DICER1: variants seen among roughly 807,000 people sequenced by gnomAD.
The protein encoded by DICER1 is dicer 1, ribonuclease III, also known as endoribonuclease Dicer.
Under a neutral mutation model 194.1 loss-of-function variants are expected in DICER1, and 43 were observed. The observed-to-expected ratio is 0.22, with a 90% CI of 0.17 to 0.29. The LOEUF (loss-of-function observed/expected upper bound fraction) is 0.29, where lower values mean the gene tolerates loss of function less well. DICER1 is among the 10% of genes least tolerant of loss of function. The probability of loss-of-function intolerance (pLI) is 1.00; values close to 1 mark genes in which losing one functional copy is unlikely to be tolerated. For missense variants in DICER1, 1,608 were observed against 2,317.0 expected (o/e 0.69, Z 6.28); for synonymous variants, 832 against 820.5 (o/e 1.01, Z -0.24).
In DICER1 at chr14:95,107,997, A is replaced by G. The variant is rs1182299033; in HGVS notation, c.2533T>C (p.Leu845=). The change falls in exon 16 of 27, where the codon TTG becomes CTG. Residue 845 remains leucine, a synonymous_variant. Transcript: ENST00000343455. ...ATATACTGGTGAAGTCTTGTAATCA[A>G]CTCAAGCATTTGTAGAGACAACATG... ...GFMLSLQMLE[L]ITRLHQYIFS... is the part of the protein sequence containing the mutation. The G allele has an allele frequency of 3.1e-6, 5 of 1,613,508 alleles. No homozygotes were observed. The highest frequency in any genetic ancestry group is 3.3e-4 in the Middle Eastern group (2 of 6,060).
rs1198772747 is a variant in DICER1 at position 95,096,749 on chromosome 14, T to C, written c.4207-36A>G. ...GGGGAATGGGGAAGGAGGGGAAACA[T>C]AGCTGCTGTTTTTAAAAGGGTTTGA... On this transcript the variant is annotated intron_variant, in intron 22 of 26. Transcript: ENST00000343455. 1 of 1,560,816 alleles carries C rather than the reference T, an allele frequency of 6.4e-7. No homozygotes were observed. The highest frequency in any genetic ancestry group is 8.7e-7 in the Non-Finnish European group (1 of 1,153,054).
intron 12 of DICER1, 119 bp downstream of exon 12, chr14:95,112,973 C>T: frequency 9.2e-7 from 1 of 1,085,678 alleles, no homozygotes; most frequent in Non-Finnish European, 1.4e-6. Context: ...AAGGCTCCTG[C>T]TCATGAAAGT....
chr14:95,113,965 T>C (rs1345250206), intron 11 of DICER1, among the ~76,000 whole-genome samples: 1 of 152,184 alleles, frequency 6.6e-6, no homozygotes, highest in Non-Finnish European at 1.5e-5. Flanking sequence ...TTCTGATTAT[T>C]AGAGAAAGGA....
Position 95,124,327 on chromosome 14 carries a change from A to G in DICER1, c.1245T>C (p.Ser415=). 3.7e-6 allele frequency: 6 copies of G among 1,613,970 alleles called. No individual in the cohort carries two copies. The highest frequency in any genetic ancestry group is 5.1e-6 in the Non-Finnish European group (6 of 1,179,890). ...NQDNYVSWSD[S]EDDDEDEEIE... ...TTTCTTCATCCTCATCATCATCCTC[A>G]GAATCACTCCATGACACATAATTAT... Residue 415 remains serine, a synonymous_variant, in exon 8 of 27, where the codon TCT becomes TCC. Coordinates refer to ENST00000343455, the MANE Select transcript of DICER1 (RefSeq NM_177438.3). This position sits in a 1 kb window ranked among gnomAD's most constrained non-coding sequence, Gnocchi z 4.5.
chr14:95,098,035 T>C (rs1890521475), intron 22 of DICER1, among the ~76,000 whole-genome samples: 1 of 152,064 alleles, frequency 6.6e-6, no homozygotes, highest in Admixed American at 6.5e-5. Context: ...TTTTTTTTTA[T>C]TGAAAAAAAC....
chr14:95,125,082 A>T (rs1893290665), intron 7 of DICER1, among the ~76,000 whole-genome samples: 2 of 152,178 alleles, frequency 1.3e-5, no homozygotes, highest in African/African-American at 2.4e-5. Flanking sequence ...ATTCTCCAGC[A>T]TTATATGTTT....
chr14:95,109,089 G>A (rs1891720970), intron 14 of DICER1, among the ~76,000 whole-genome samples: 1 of 152,172 alleles, frequency 6.6e-6, no homozygotes, highest in African/African-American at 2.4e-5. Context: ...CTGTGTTTGT[G>A]AGATAGCCTG....
At chr14:95,138,973 AAAT>A (rs1297436457) in intron 1 of DICER1, among the ~76,000 whole-genome samples, 2 of 47,482 alleles carry the variant, frequency 4.2e-5, no homozygotes, top group South Asian at 8.0e-4. Flanking sequence ...ATAATAAAAA[AAAT>A]AAAAATAAAT....
At chr14:95,139,690 C>A (rs1894703250) in intron 1 of DICER1, among the ~76,000 whole-genome samples, 1 of 152,166 alleles carries the variant, frequency 6.6e-6, no homozygotes, top group Non-Finnish European at 1.5e-5. Context: ...ATATACAGAA[C>A]AGAATCATGG....
rs2139999400 is a variant in DICER1, at chr14:95,106,111, T to C, written c.2917A>G (p.Lys973Glu). 1 of 1,614,220 alleles carries C rather than the reference T, an allele frequency of 6.2e-7. No homozygotes were observed. The highest frequency in any genetic ancestry group is 8.5e-7 in the Non-Finnish European group (1 of 1,180,028). ...GTTAGGTCAAGGTTGTACTTTGTTTTATAATATTCTGCAAAAGTTTCATAC... is the reference window on the plus strand; with the variant it reads ...GTTAGGTCAAGGTTGTACTTTGTTTCATAATATTCTGCAAAAGTTTCATAC... ...PEYETFAEYY[K>E]TKYNLDLTNL... Residue 973 changes from lysine to glutamate, a missense_variant, in exon 18 of 27, where the codon AAA becomes GAA. Physicochemically the swap from Lys to Glu is moderately conservative, Grantham distance 56. Coordinates refer to ENST00000343455, the MANE Select transcript of DICER1 (RefSeq NM_177438.3).
At chr14:95,155,233 G>T (rs1419320409) in intron 1 of DICER1, among the ~76,000 whole-genome samples, 1 of 152,152 alleles carries the variant, frequency 6.6e-6, no homozygotes, top group African/African-American at 2.4e-5. Flanking sequence ...TAACAAGGAG[G>T]CACTCAATAA....
chr14:95,118,750 T>C (rs754915825), intron 8 of DICER1, among the ~76,000 whole-genome samples: 7 of 151,902 alleles, frequency 4.6e-5, no homozygotes, highest in Non-Finnish European at 8.8e-5. Flanking sequence ...TCATATTACA[T>C]AGTATAAATT....
At chr14:95,136,969 T>C (rs1222065292) in intron 1 of DICER1, among the ~76,000 whole-genome samples, 1 of 151,912 alleles carries the variant, frequency 6.6e-6, no homozygotes, top group African/African-American at 2.4e-5. Context: ...TATTCTGGGA[T>C]AAAAGCAAAC....
chr14:95,150,289 G>A (rs1217014833), intron 1 of DICER1, among the ~76,000 whole-genome samples: 1 of 152,126 alleles, frequency 6.6e-6, no homozygotes, highest in Non-Finnish European at 1.5e-5. Context: ...TTCGAGACCA[G>A]CTTGGCTAAC....
chr14:95,139,724 C>T (rs1171627982), intron 1 of DICER1, among the ~76,000 whole-genome samples: 1 of 152,152 alleles, frequency 6.6e-6, no homozygotes, highest in Non-Finnish European at 1.5e-5. Context: ...TATTTCTATT[C>T]GGTTTGGAAA....
In DICER1 at chr14:95,088,431, A is replaced by C. The variant is rs547777889; in HGVS notation, c.*2067T>G. 22 of 232,574 alleles carry C rather than the reference A, an allele frequency of 9.5e-5. No individual in the cohort carries two copies. Among genetic ancestry groups the C allele is most frequent in the African/African-American group, 4.6e-4 (21 of 45,378 alleles). 14.4% of individuals were successfully genotyped at this position (232,574 alleles called of 1,614,324 possible). On this transcript the variant is annotated 3_prime_UTR_variant, in exon 27 of 27. Coordinates refer to ENST00000343455, the MANE Select transcript of DICER1 (RefSeq NM_177438.3). ...GGCATCAGGTAGTTTATAAATATTA[A>C]GAGATTTGTGATTAAACTTGATCAC... is the stretch of plus-strand genomic sequence containing the variant.
In DICER1 at chr14:95,105,675, T is replaced by C. The variant is rs775057339; in HGVS notation, c.3093+3A>G. 6.3e-7 allele frequency: 1 copy of C among 1,587,706 alleles called. No homozygotes were observed. The highest frequency in any genetic ancestry group is 1.1e-5 in the South Asian group (1 of 90,588). ...AGTTATGCTAGTACAATTAACTCATTACCTGTTTATTCTGCAGACTTTCCC... is the reference window on the plus strand; with the variant it reads ...AGTTATGCTAGTACAATTAACTCATCACCTGTTTATTCTGCAGACTTTCCC... On this transcript the variant is annotated splice_donor_region_variant and intron_variant, in intron 19 of 26. Coordinates refer to ENST00000343455, the MANE Select transcript of DICER1 (RefSeq NM_177438.3). The surrounding 1 kb of genome is among the most constrained non-coding windows in gnomAD (Gnocchi z 4.9).
chr14:95,148,020 G>A (rs945466657), intron 1 of DICER1, among the ~76,000 whole-genome samples: 36 of 152,244 alleles, frequency 2.4e-4, no homozygotes, highest in African/African-American at 8.2e-4. Context: ...TCAACACAGC[G>A]AGAGTCCATC....
intron 1 of DICER1, among the ~76,000 whole-genome samples, chr14:95,156,713 G>T (rs1895896841): frequency 1.3e-5 from 2 of 152,188 alleles, no homozygotes; most frequent in African/African-American, 4.8e-5. Context: ...CCCCAATCTG[G>T]TCCCCTGACA....
Sources: allele counts gnomAD v4.1 joint callset (sites outside exome capture counted in the v4.1 genomes callset), GRCh38; gene constraint gnomAD v4.1.1; non-coding constraint Gnocchi (gnomAD v3.1); transcripts MANE v1.5; gene names NCBI Gene and HGNC (gene_info 2026-07-23, HGNC 2026-07-21).